Variants in KCNIP1 observed in about 807,000 individuals in gnomAD.
KCNIP1 encodes A-type potassium channel modulatory protein KCNIP1.
KCNIP1 carries 18 observed loss-of-function variants against 33.0 expected under a neutral mutation model. That is an observed-to-expected ratio of 0.55 (90% CI 0.38 to 0.81). The LOEUF is 0.81. Among genes scored for constraint, KCNIP1 ranks in the 30% least tolerant of loss-of-function variants. KCNIP1 has a pLI of 0.00. For missense variants in KCNIP1, 238 were observed against 271.6 expected, an observed-to-expected ratio of 0.88 and a Z score of 0.87; for synonymous variants, 93 against 98.3, an observed-to-expected ratio of 0.95 and a Z score of 0.32.
intron 1 of KCNIP1, among the ~76,000 whole-genome samples, chr5:170,443,578 A>C (rs570599642): frequency 2.0e-5 from 3 of 152,264 alleles, no homozygotes; most frequent in Non-Finnish European, 4.4e-5. Flanking sequence ...AGGATTCTAC[A>C]TCCCTGGAGC....
intron 1 of KCNIP1, among the ~76,000 whole-genome samples, chr5:170,646,698 A>T (rs565037133): frequency 6.6e-6 from 1 of 152,002 alleles, no homozygotes; most frequent in East Asian, 1.9e-4. Context: ...GTCCCCTCTC[A>T]CTCCTCCTTT....
At chr5:170,552,883 C>T (rs1228898921) in intron 1 of KCNIP1, among the ~76,000 whole-genome samples, 2 of 152,292 alleles carry the variant, frequency 1.3e-5, no homozygotes, top group East Asian at 1.9e-4. Flanking sequence ...CTGACGCTGA[C>T]GATGAGTGGG....
At chr5:170,624,722 AC>A (rs568887628) in intron 1 of KCNIP1, among the ~76,000 whole-genome samples, 10,553 of 42,070 alleles carry the variant, frequency 0.25, 1,147 homozygotes, top group African/African-American at 0.38. Context: ...AGGAAAGGAG[AC>A]CGGGGAGGTG....
chr5:170,504,527 AG>A lies in KCNIP1; in HGVS notation c.-42del. 1.9e-6 allele frequency: 3 copies of A among 1,608,792 alleles called. No homozygotes were observed. The highest frequency in any genetic ancestry group is 2.5e-6 in the Non-Finnish European group (3 of 1,179,108). ...CGGGGATTTCTTTCCAGGGTAGGGG[AG>A]GGGCCGGGCCCGGGGTCCCAACTCG... On this transcript the variant is annotated 5_prime_UTR_variant, in exon 1 of 8. Transcript: ENST00000328939. The surrounding 1 kb of genome is among the most constrained non-coding windows in gnomAD (Gnocchi z 6.0).
intron 1 of KCNIP1, among the ~76,000 whole-genome samples, chr5:170,633,295 A>G (rs1181708778): frequency 1.3e-5 from 2 of 152,030 alleles, no homozygotes; most frequent in African/African-American, 2.4e-5. Flanking sequence ...CGGACATTCT[A>G]CCAAACACAT....
chr5:170,674,975 GTT>G (rs11299791), intron 1 of KCNIP1, among the ~76,000 whole-genome samples: 77 of 145,800 alleles, frequency 5.3e-4, no homozygotes, highest in Admixed American at 9.5e-4. Context: ...GTTTTGTTTT[GTT>G]TTTTTTTTTT....
At chr5:170,711,541 T>C (rs564365489) in intron 1 of KCNIP1, among the ~76,000 whole-genome samples, 1 of 152,330 alleles carries the variant, frequency 6.6e-6, no homozygotes, top group East Asian at 1.9e-4. Flanking sequence ...AAGCATGAAC[T>C]CTAATGTAAA....
At chr5:170,720,493 G>T (rs1581542956) in intron 3 of KCNIP1, 103 bp downstream of exon 3, 2 of 920,012 alleles carry the variant, frequency 2.2e-6, no homozygotes, top group East Asian at 5.1e-5. Flanking sequence ...CCTTCTCGAG[G>T]AAGAGACAAA....
rs1275241812 is a variant in KCNIP1, at chr5:170,732,859, G to T, written c.495G>T (p.Val165=). 6 of 1,613,778 alleles carry T rather than the reference G, an allele frequency of 3.7e-6. No homozygotes were observed. The highest frequency in any genetic ancestry group is 1.6e-4 in the Middle Eastern group (1 of 6,062). The change falls in exon 6 of 8, where the codon GTG becomes GTT. Residue 165 remains valine, a synonymous_variant. Coordinates refer to ENST00000328939, the MANE Select transcript of KCNIP1 (RefSeq NM_014592.4). ...TGATGGGGAAATACACATATCCTGT[G>T]CTCAAAGAGGACACTCCAAGGCAGC... The part of the protein sequence containing the change: ...YDMMGKYTYP[V]LKEDTPRQHV...
chr5:170,444,025 T>C (rs1303126261), intron 1 of KCNIP1, among the ~76,000 whole-genome samples: 2 of 152,228 alleles, frequency 1.3e-5, no homozygotes, highest in African/African-American at 4.8e-5. Context: ...CATTTTGTAT[T>C]TAACCAGTAA....
chr5:170,504,316 C>T lies in KCNIP1; in HGVS notation c.-257C>T, dbSNP rs1464018397. On this transcript the variant is annotated 5_prime_UTR_variant, in exon 1 of 8. Coordinates refer to ENST00000328939, the MANE Select transcript of KCNIP1 (RefSeq NM_014592.4). The surrounding 1 kb of genome is among the most constrained non-coding windows in gnomAD (Gnocchi z 6.0). ...GCCCTGGGCGAGGGAACCGCCGGGC[C>T]GGGTCCTCGCGCGGGGAAGCGGTTC... 59 of 1,363,470 alleles carry T rather than the reference C, an allele frequency of 4.3e-5. No individual in the cohort carries two copies. Among genetic ancestry groups the T allele is most frequent in the Non-Finnish European group, 5.5e-5 (58 of 1,062,630 alleles). 84.5% of individuals were successfully genotyped at this position (1,363,470 alleles called of 1,614,324 possible).
chr5:170,550,596 G>A (rs1296200143), intron 1 of KCNIP1, among the ~76,000 whole-genome samples: 1 of 151,434 alleles, frequency 6.6e-6, no homozygotes, highest in East Asian at 1.9e-4. Flanking sequence ...TGGCAATGAT[G>A]ATGATGATGG....
At chr5:170,429,923 T>A (rs1343581294) in intron 1 of KCNIP1, among the ~76,000 whole-genome samples, 2 of 152,218 alleles carry the variant, frequency 1.3e-5, no homozygotes, top group Non-Finnish European at 2.9e-5. Flanking sequence ...ATGAAGCAGA[T>A]GCAATACACA....
intron 1 of KCNIP1, among the ~76,000 whole-genome samples, chr5:170,515,014 C>T (rs12108905): frequency 0.011 from 1,599 of 152,262 alleles, 29 homozygotes; most frequent in African/African-American, 0.037. Context: ...CTATGAGAGA[C>T]AGGCACTGAT....
At chr5:170,462,895 C>T (rs1329285271) in intron 1 of KCNIP1, among the ~76,000 whole-genome samples, 2 of 152,266 alleles carry the variant, frequency 1.3e-5, no homozygotes, top group East Asian at 3.9e-4. Context: ...CATATGTTCT[C>T]ATTCATAAGT....
intron 1 of KCNIP1, among the ~76,000 whole-genome samples, chr5:170,693,196 G>C (rs781777919): frequency 6.6e-6 from 1 of 152,142 alleles, no homozygotes; most frequent in East Asian, 1.9e-4. Context: ...ACCCCCTCCC[G>C]CTGGTCAGTG....
chr5:170,689,936 G>C (rs1046749395), intron 1 of KCNIP1, among the ~76,000 whole-genome samples: 3 of 152,192 alleles, frequency 2.0e-5, no homozygotes, highest in South Asian at 2.1e-4. Context: ...ACATTTCAAA[G>C]GTTTTCTGTT....
chr5:170,644,295 G>A (rs1185355768), intron 1 of KCNIP1, among the ~76,000 whole-genome samples: 3 of 152,238 alleles, frequency 2.0e-5, no homozygotes, highest in African/African-American at 7.2e-5. Flanking sequence ...TCATAGAGTG[G>A]CCTGACATAT....
At chr5:170,426,059 G>A (rs954619592) in intron 1 of KCNIP1, among the ~76,000 whole-genome samples, 2 of 152,196 alleles carry the variant, frequency 1.3e-5, no homozygotes, top group Admixed American at 1.3e-4. Flanking sequence ...GCCCAGCCTG[G>A]TGGCCGCTTC....
Sources: allele counts gnomAD v4.1 joint callset (sites outside exome capture counted in the v4.1 genomes callset), GRCh38; gene constraint gnomAD v4.1.1; non-coding constraint Gnocchi (gnomAD v3.1); transcripts MANE v1.5; gene names NCBI Gene and HGNC (gene_info 2026-07-23, HGNC 2026-07-21).